NR3C2: variants seen among roughly 807,000 people sequenced by gnomAD.
The protein encoded by NR3C2 is mineralocorticoid receptor.
NR3C2 carries 15 observed loss-of-function variants against 86.4 expected under a neutral mutation model. The ratio of observed to expected loss-of-function variants is 0.17; its 90% CI spans 0.12 to 0.27. The LOEUF (loss-of-function observed/expected upper bound fraction) is 0.27. Ranked by LOEUF, NR3C2 falls within the 10% of genes least tolerant of loss-of-function variation. The pLI is 1.00. For synonymous variants in NR3C2, 458 were observed against 450.5 expected (o/e 1.02, Z -0.21); for missense variants, 960 against 1,195.6 (o/e 0.80, Z 2.91).
intron 2 of NR3C2, among the ~76,000 whole-genome samples, chr4:148,357,880 A>G (rs907526854): frequency 1.3e-5 from 2 of 152,246 alleles, no homozygotes; most frequent in Non-Finnish European, 2.9e-5. Context: ...CATCAGGAAT[A>G]GGAAGTTCTT....
chr4:148,177,892 T>C (rs79026125), intron 4 of NR3C2, among the ~76,000 whole-genome samples: 7,786 of 152,276 alleles, frequency 0.051, 277 homozygotes, highest in African/African-American at 0.097. Flanking sequence ...AATTTAGTTA[T>C]AGAGATAATG....
intron 3 of NR3C2, among the ~76,000 whole-genome samples, chr4:148,217,746 C>T (rs1737616018): frequency 6.6e-6 from 1 of 152,184 alleles, no homozygotes; most frequent in Non-Finnish European, 1.5e-5. Context: ...CTAAAGTTTT[C>T]CACCCTCTGA....
intron 3 of NR3C2, among the ~76,000 whole-genome samples, chr4:148,209,842 T>C (rs1434029427): frequency 6.6e-6 from 1 of 152,216 alleles, no homozygotes; most frequent in Non-Finnish European, 1.5e-5. Context: ...TTAATCCTAA[T>C]GCTAGAAGTT....
chr4:148,179,165 G>A (rs1326738187), intron 4 of NR3C2, among the ~76,000 whole-genome samples: 2 of 151,578 alleles, frequency 1.3e-5, no homozygotes, highest in Non-Finnish European at 2.9e-5. Context: ...GTGTATTACA[G>A]AAAATATCAG....
chr4:148,178,148 G>A (rs997633204), intron 4 of NR3C2, among the ~76,000 whole-genome samples: 1 of 146,748 alleles, frequency 6.8e-6, no homozygotes, highest in Non-Finnish European at 1.5e-5. Flanking sequence ...CACCAGTCTG[G>A]CAAACATGGT....
rs546576478 is a variant in NR3C2, at chr4:148,222,308, C to A, written c.1898-27446G>T. Among the ~76,000 whole-genome samples, 75 of 152,212 alleles carry A rather than the reference C, an allele frequency of 4.9e-4. 2 individuals are homozygous for A. The South Asian group carries it at 0.015, about 31-fold the overall frequency. ...TGAAGACAGCATGAAAAATTAAAAT[C>A]CCCAACAGACTTCTTACTTAGGAGG... On this transcript the variant is annotated intron_variant, in intron 3 of 8. Transcript: ENST00000358102.
intron 3 of NR3C2, among the ~76,000 whole-genome samples, chr4:148,224,304 T>C (rs768493138): frequency 6.6e-6 from 1 of 152,192 alleles, no homozygotes; most frequent in Non-Finnish European, 1.5e-5. Context: ...AGAATATCTA[T>C]ATACATACAC....
chr4:148,141,760 A>C (rs1733622288), intron 6 of NR3C2, among the ~76,000 whole-genome samples: 1 of 152,048 alleles, frequency 6.6e-6, no homozygotes, highest in South Asian at 2.1e-4. Flanking sequence ...TTCTCATAGG[A>C]CTGCGAACCC....
chr4:148,179,049 T>C lies in NR3C2; in HGVS notation c.2014+15697A>G, dbSNP rs753944660. Reference sequence around the variant, plus strand: ...GCAGTTCACAAAGACTGTGCAATTATTAATACTGTAATAAAACTCCATTAT... The same window carrying C: ...GCAGTTCACAAAGACTGTGCAATTACTAATACTGTAATAAAACTCCATTAT... On this transcript the variant is annotated intron_variant, in intron 4 of 8. Coordinates refer to ENST00000358102, the MANE Select transcript of NR3C2 (RefSeq NM_000901.5). Among the ~76,000 whole-genome samples the C allele has an allele frequency of 1.4e-4, 21 of 151,630 alleles. 1 individual carries two copies. The highest frequency in any genetic ancestry group is 3.1e-4 in the Non-Finnish European group (21 of 67,858).
chr4:148,301,038 T>C (rs1742314733), intron 2 of NR3C2, among the ~76,000 whole-genome samples: 1 of 152,216 alleles, frequency 6.6e-6, no homozygotes, highest in Non-Finnish European at 1.5e-5. Context: ...TGTCAAAGTC[T>C]GTCTTTGTCA....
intron 8 of NR3C2, among the ~76,000 whole-genome samples, chr4:148,105,167 C>T (rs1275475848): frequency 1.3e-5 from 2 of 152,124 alleles, no homozygotes; most frequent in Non-Finnish European, 2.9e-5. Context: ...CTATGACTCT[C>T]TCAAAATAAT....
chr4:148,334,611 G>A (rs1744391954), intron 2 of NR3C2, among the ~76,000 whole-genome samples: 1 of 152,160 alleles, frequency 6.6e-6, no homozygotes, highest in African/African-American at 2.4e-5. Context: ...TGGCATTGAT[G>A]TGGCCATAAT....
intron 2 of NR3C2, among the ~76,000 whole-genome samples, chr4:148,305,875 T>A: frequency 6.6e-6 from 1 of 152,350 alleles, no homozygotes; most frequent in Admixed American, 6.5e-5. Context: ...TTCCTGGCTG[T>A]TCCAGCTGCA....
chr4:148,339,728 T>C (rs1349992739), intron 2 of NR3C2, among the ~76,000 whole-genome samples: 1 of 152,074 alleles, frequency 6.6e-6, no homozygotes, highest in Non-Finnish European at 1.5e-5. Context: ...GAAAAATAAA[T>C]AAATGACATC....
At chr4:148,146,902 G>A (rs900961554) in intron 6 of NR3C2, 1 of 152,056 alleles carries the variant, frequency 6.6e-6, no homozygotes, top group African/African-American at 2.4e-5. Context: ...AGATGTAAAA[G>A]AGAGTAATAC....
At chr4:148,296,044 CAAAAAAA>C (rs529710200) in intron 2 of NR3C2, among the ~76,000 whole-genome samples, 5 of 73,936 alleles carry the variant, frequency 6.8e-5, no homozygotes, top group South Asian at 6.7e-4. Context: ...GAGCTGAGGC[CAAAAAAA>C]AAAAAAAAAA....
intron 2 of NR3C2, among the ~76,000 whole-genome samples, chr4:148,330,522 C>CTT (rs11416123): frequency 6.6e-6 from 1 of 151,926 alleles, no homozygotes; most frequent in South Asian, 2.1e-4. Context: ...AAAATGTAGT[C>CTT]TTTTTATATC....
At chr4:148,443,169 C>G (rs1234846320), upstream of NR3C2, among the ~76,000 whole-genome samples, 2 of 128,638 alleles carry the variant, frequency 1.6e-5, no homozygotes, top group African/African-American at 6.1e-5. Flanking sequence ...TTTAACCGTG[C>G]TGGAAAAACC....
chr4:148,313,152 C>A (rs1742986624), intron 2 of NR3C2, among the ~76,000 whole-genome samples: 1 of 152,178 alleles, frequency 6.6e-6, no homozygotes, highest in African/African-American at 2.4e-5. Context: ...AAGGAAACAT[C>A]TGAGTATTTA....
Sources: gnomAD v4.1 joint callset for allele counts (sites outside exome capture counted in the v4.1 genomes callset) on GRCh38, gnomAD v4.1.1 for gene constraint, MANE v1.5 for transcripts, NCBI Gene and HGNC (gene_info 2026-07-23, HGNC 2026-07-21) for gene names.